SENP7: variants seen among roughly 807,000 people sequenced by gnomAD.
SENP7 encodes SUMO specific peptidase 7, also known as sentrin-specific protease 7.
In SENP7, 64 loss-of-function variants were observed where a neutral mutation model predicts 141.2. The observed-to-expected ratio is 0.45, with a 90% confidence interval of 0.37 to 0.56. The LOEUF (loss-of-function observed/expected upper bound fraction) is 0.56, where lower values mean the gene tolerates loss of function less well. Ranked by LOEUF, SENP7 falls within the 20% of genes least tolerant of loss-of-function variation. The pLI, the probability that SENP7 is intolerant of heterozygous loss-of-function variation, is 0.00. For missense variants in SENP7, 1,025 were observed against 1,212.2 expected (o/e 0.85, Z 2.29); for synonymous variants, 382 against 426.4 (o/e 0.90, Z 1.28).
intron 4 of SENP7, among the ~76,000 whole-genome samples, chr3:101,443,137 G>A (rs532625609): frequency 3.4e-4 from 52 of 152,228 alleles, no homozygotes; most frequent in African/African-American, 1.2e-3. Flanking sequence ...TAAGGTGTAA[G>A]GAAGGGATCC....
chr3:101,473,649 CAT>C, intron 3 of SENP7, among the ~76,000 whole-genome samples: 1 of 152,268 alleles, frequency 6.6e-6, no homozygotes, highest in African/African-American at 2.4e-5. Flanking sequence ...CTGTCAGATG[CAT>C]AGTTTGCAAA....
intron 3 of SENP7, among the ~76,000 whole-genome samples, chr3:101,460,163 C>T (rs2063501544): frequency 6.6e-6 from 1 of 152,168 alleles, no homozygotes; most frequent in Non-Finnish European, 1.5e-5. Flanking sequence ...CATTCACTCC[C>T]TACCAAAATT....
At chr3:101,480,413 A>G (rs899228792) in intron 3 of SENP7, among the ~76,000 whole-genome samples, 6 of 152,178 alleles carry the variant, frequency 3.9e-5, no homozygotes, top group Non-Finnish European at 7.4e-5. Flanking sequence ...CCTAACATAC[A>G]CTGGGTAAGG....
Position 101,366,663 on chromosome 3 carries a change from T to C in SENP7, c.1085A>G (p.Lys362Arg). Residue 362 changes from lysine to arginine, a missense_variant, in exon 9 of 24, where the codon AAA becomes AGA. Physicochemically the swap from Lys to Arg is conservative, Grantham distance 26 (BLOSUM62 2). This residue lies in a region of SENP7 where 496 missense variants were observed against 503.5 expected (regional missense o/e 0.99). Coordinates refer to ENST00000394095, the MANE Select transcript of SENP7 (RefSeq NM_020654.5). ...TGAGGATAGTTTAGTAAAATCACTTTTTGTAGGTTTAGTTGTAATTTCTTC... is the reference window on the plus strand; with the variant it reads ...TGAGGATAGTTTAGTAAAATCACTTCTTGTAGGTTTAGTTGTAATTTCTTC... ...LPEEITTKPT[K>R]SDFTKLSSLN... 1 of 1,613,796 alleles carries C rather than the reference T, an allele frequency of 6.2e-7. No homozygotes were observed. The highest frequency in any genetic ancestry group is 1.7e-5 in the Admixed American group (1 of 60,008).
chr3:101,414,026 G>T (rs2061530302), intron 5 of SENP7, among the ~76,000 whole-genome samples: 1 of 152,046 alleles, frequency 6.6e-6, no homozygotes, highest in Admixed American at 6.6e-5. Context: ...ACAACATAAA[G>T]AATAAAACAA....
At chr3:101,486,182 A>G (rs1672984659) in intron 3 of SENP7, among the ~76,000 whole-genome samples, 1 of 151,858 alleles carries the variant, frequency 6.6e-6, no homozygotes, top group Non-Finnish European at 1.5e-5. Flanking sequence ...CTTGGAAAAC[A>G]TATTCTGGAA....
chr3:101,390,651 A>T (rs1028651919), intron 6 of SENP7, among the ~76,000 whole-genome samples: 5 of 152,226 alleles, frequency 3.3e-5, no homozygotes, highest in African/African-American at 9.6e-5. Context: ...TACAAAAATA[A>T]TGGGGGATTT....
chr3:101,381,128 G>A (rs2060489683), intron 6 of SENP7, among the ~76,000 whole-genome samples: 1 of 152,204 alleles, frequency 6.6e-6, no homozygotes, highest in Non-Finnish European at 1.5e-5. Flanking sequence ...GACAGAATGG[G>A]CAAAGTGGGG....
intron 3 of SENP7, among the ~76,000 whole-genome samples, chr3:101,474,319 A>G (rs139526703): frequency 0.011 from 1,611 of 152,364 alleles, 18 homozygotes; most frequent in Non-Finnish European, 0.02. Flanking sequence ...GTTCCTATCC[A>G]TGAGCATGGA....
chr3:101,494,509 T>C (rs1026722873), intron 2 of SENP7, among the ~76,000 whole-genome samples: 2 of 152,092 alleles, frequency 1.3e-5, no homozygotes, highest in South Asian at 4.1e-4. Context: ...CTTCTCTCCC[T>C]AGTGAAGTAC....
chr3:101,394,951 G>A (rs1035522065), intron 6 of SENP7, among the ~76,000 whole-genome samples: 4 of 152,066 alleles, frequency 2.6e-5, no homozygotes, highest in Non-Finnish European at 4.4e-5. Context: ...CTTTTTTTGA[G>A]AAATGTCTTT....
chr3:101,392,626 C>T (rs2060847877), intron 6 of SENP7, among the ~76,000 whole-genome samples: 1 of 152,124 alleles, frequency 6.6e-6, no homozygotes, highest in South Asian at 2.1e-4. Context: ...AAGTAATCTA[C>T]AAATAAAATG....
chr3:101,507,206 T>C (rs2108200846), intron 1 of SENP7, among the ~76,000 whole-genome samples: 1 of 152,322 alleles, frequency 6.6e-6, no homozygotes, highest in Non-Finnish European at 1.5e-5. Flanking sequence ...GCCAGATTCA[T>C]AAATTACTGA....
rs137883111 is a variant in SENP7 at position 101,446,171 on chromosome 3, T to A, written c.284+12784A>T. On this transcript the variant is annotated intron_variant, in intron 4 of 23. Transcript: ENST00000394095. ...CTCTCTTTCTCCTGCTCCAGCCATG[T>A]ACAATGCACTAGCTTCCTCCTCACC... Among the ~76,000 whole-genome samples the A allele has an allele frequency of 7.1e-3, 1,074 of 152,322 alleles. 14 individuals are homozygous for A. The highest frequency in any genetic ancestry group is 0.025 in the African/African-American group (1,019 of 41,568).
chr3:101,487,466 T>C (rs2064778973), intron 3 of SENP7, among the ~76,000 whole-genome samples: 1 of 152,116 alleles, frequency 6.6e-6, no homozygotes, highest in Admixed American at 6.5e-5. Context: ...TTAATTAAAT[T>C]AAGTTTCATT....
At chr3:101,455,453 C>T (rs984782290) in intron 4 of SENP7, among the ~76,000 whole-genome samples, 1 of 152,108 alleles carries the variant, frequency 6.6e-6, no homozygotes, top group Non-Finnish European at 1.5e-5. Context: ...AGAGGGTTTT[C>T]AGTTCCAAAC....
intron 5 of SENP7, among the ~76,000 whole-genome samples, chr3:101,409,907 A>T (rs1345573655): frequency 6.6e-6 from 1 of 152,216 alleles, no homozygotes; most frequent in Non-Finnish European, 1.5e-5. Context: ...ACCCAAAACA[A>T]ATGCAATAAA....
intron 3 of SENP7, among the ~76,000 whole-genome samples, chr3:101,463,368 T>A (rs201618464): frequency 0.19 from 14,329 of 74,540 alleles, 1,037 homozygotes; most frequent in Non-Finnish European, 0.22. Context: ...TAAATAAATA[T>A]ATATATATAT....
At chr3:101,475,143 G>A (rs971850327) in intron 3 of SENP7, among the ~76,000 whole-genome samples, 2 of 152,142 alleles carry the variant, frequency 1.3e-5, no homozygotes, top group African/African-American at 2.4e-5. Context: ...AAGACAGTGT[G>A]GTGATTCCTC....
Sources: gnomAD v4.1 joint callset for allele counts (sites outside exome capture counted in the v4.1 genomes callset) on GRCh38, gnomAD v4.1.1 for gene constraint, gnomAD v4.1.1 regional missense constraint, MANE v1.5 for transcripts, NCBI Gene and HGNC (gene_info 2026-07-23, HGNC 2026-07-21) for gene names.